The following HIVEP3 variants were observed in gnomAD, a reference collection of about 807,000 sequenced individuals.
HIVEP3 encodes HIVEP zinc finger 3.
Under a neutral mutation model 152.8 loss-of-function variants are expected in HIVEP3, and 49 were observed. The observed-to-expected ratio is 0.32, with a 90% CI of 0.26 to 0.41. The LOEUF (loss-of-function observed/expected upper bound fraction) is 0.41, where lower values mean the gene tolerates loss of function less well. Among genes scored for constraint, HIVEP3 ranks in the 10% least tolerant of loss-of-function variants. HIVEP3 has a pLI of 1.00. For missense variants in HIVEP3, 2,790 were observed against 3,103.3 expected (o/e 0.90, Z 2.40); for synonymous variants, 1,269 against 1,289.0 (o/e 0.98, Z 0.33).
intron 1 of HIVEP3, among the ~76,000 whole-genome samples, chr1:41,789,899 C>A (rs1412524838): frequency 6.6e-6 from 1 of 152,210 alleles, no homozygotes. Flanking sequence ...AATAAGTACA[C>A]ACAAAAGCAG....
chr1:42,006,917 A>G (rs1557559285), intron 1 of HIVEP3, among the ~76,000 whole-genome samples: 1 of 152,214 alleles, frequency 6.6e-6, no homozygotes, highest in Non-Finnish European at 1.5e-5. Flanking sequence ...AGATAAACTG[A>G]GACTGAGAGA....
chr1:41,716,544 C>T (rs1014686124), intron 1 of HIVEP3, among the ~76,000 whole-genome samples: 2 of 152,184 alleles, frequency 1.3e-5, no homozygotes, highest in African/African-American at 2.4e-5. Flanking sequence ...AGGGTGAGAT[C>T]TCATGAGTGG....
intron 1 of HIVEP3, among the ~76,000 whole-genome samples, chr1:41,765,937 G>A (rs1054985383): frequency 6.6e-6 from 1 of 152,196 alleles, no homozygotes; most frequent in Non-Finnish European, 1.5e-5. Flanking sequence ...CTCTCCAGCT[G>A]TCTCTCTGAG....
intron 5 of HIVEP3, among the ~76,000 whole-genome samples, chr1:41,549,202 C>T (rs938269823): frequency 1.3e-5 from 2 of 152,188 alleles, no homozygotes; most frequent in Non-Finnish European, 2.9e-5. Context: ...AGGACATGAA[C>T]TCATCCTTTT....
chr1:41,573,357 T>A (rs1394590503), intron 5 of HIVEP3, among the ~76,000 whole-genome samples: 3 of 152,092 alleles, frequency 2.0e-5, no homozygotes, highest in Non-Finnish European at 4.4e-5. Context: ...TCCTTCACCA[T>A]TTCCAAACAC....
intron 2 of HIVEP3, among the ~76,000 whole-genome samples, chr1:41,650,896 A>G (rs572312915): frequency 6.6e-6 from 1 of 152,318 alleles, no homozygotes; most frequent in African/African-American, 2.4e-5. Context: ...GCACAAATGC[A>G]CCATAAATTT....
At chr1:41,908,438 C>T (rs1198523725) in intron 1 of HIVEP3, among the ~76,000 whole-genome samples, 2 of 152,168 alleles carry the variant, frequency 1.3e-5, no homozygotes, top group Non-Finnish European at 2.9e-5. Context: ...TGTCTTTTAT[C>T]TTAGCCTGGA....
At chr1:41,862,440 C>G (rs968931556) in intron 1 of HIVEP3, among the ~76,000 whole-genome samples, 1 of 152,158 alleles carries the variant, frequency 6.6e-6, no homozygotes, top group African/African-American at 2.4e-5. Flanking sequence ...TATGCATATG[C>G]TTCAGTGTGT....
chr1:41,935,445 G>A (rs1432891342), intron 1 of HIVEP3, among the ~76,000 whole-genome samples: 5 of 152,012 alleles, frequency 3.3e-5, no homozygotes, highest in South Asian at 2.1e-4. Flanking sequence ...GAACACAAAA[G>A]CATCAGAAAT....
At position 41,664,436 on chromosome 1, in the gene HIVEP3, G is replaced by A. The variant is rs1016343419; in HGVS notation, c.-720-35489C>T. On this transcript the variant is annotated intron_variant, in intron 2 of 8. Coordinates refer to ENST00000372583, the MANE Select transcript of HIVEP3 (RefSeq NM_024503.5). This position sits in a 1 kb window ranked among gnomAD's most constrained non-coding sequence, Gnocchi z 4.4. ...CCTGGCCTCAAGGGACCCTCCCAAT[G>A]GATTTGGTCACCTTCCATGATGCCA... 6.6e-6 allele frequency among the ~76,000 whole-genome samples: 1 copy of A among 152,160 alleles called. No individual in the cohort carries two copies. The highest frequency in any genetic ancestry group is 2.4e-5 in the African/African-American group (1 of 41,418).
intron 1 of HIVEP3, among the ~76,000 whole-genome samples, chr1:41,755,599 C>A (rs1647270727): frequency 9.5e-6 from 1 of 105,534 alleles, no homozygotes; most frequent in Non-Finnish European, 2.1e-5. Context: ...ACTCTCAAAA[C>A]ACAGCAGTCA....
intron 1 of HIVEP3, among the ~76,000 whole-genome samples, chr1:41,944,737 A>G (rs193065170): frequency 2.2e-4 from 33 of 152,264 alleles, no homozygotes; most frequent in Non-Finnish European, 3.7e-4. Flanking sequence ...ATGGGTGGTG[A>G]TGCACCCTGG....
intron 1 of HIVEP3, among the ~76,000 whole-genome samples, chr1:41,714,325 C>T (rs1646558195): frequency 6.6e-6 from 1 of 152,132 alleles, no homozygotes; most frequent in South Asian, 2.1e-4. Context: ...GGGAAGAAGA[C>T]AGGAAAAGAG....
intron 3 of HIVEP3, among the ~76,000 whole-genome samples, chr1:41,589,646 C>T (rs1644557874): frequency 6.6e-6 from 1 of 152,212 alleles, no homozygotes; most frequent in Non-Finnish European, 1.5e-5. Flanking sequence ...TGGCAGGAGG[C>T]CAGCTTGAAT....
intron 1 of HIVEP3, among the ~76,000 whole-genome samples, chr1:41,743,830 G>A (rs746227788): frequency 1.3e-5 from 2 of 152,084 alleles, no homozygotes; most frequent in African/African-American, 2.4e-5. Context: ...GCACCTTTGC[G>A]TAAATGTGGG....
intron 1 of HIVEP3, among the ~76,000 whole-genome samples, chr1:41,863,657 T>C (rs906103823): frequency 1.3e-5 from 2 of 152,242 alleles, no homozygotes; most frequent in African/African-American, 4.8e-5. Context: ...CACATGTGCA[T>C]GAGTTCGTCA....
At chr1:41,667,066 G>T (rs1427734709) in intron 2 of HIVEP3, among the ~76,000 whole-genome samples, 2 of 152,222 alleles carry the variant, frequency 1.3e-5, no homozygotes, top group African/African-American at 4.8e-5. Flanking sequence ...CCCCCAGGGA[G>T]TGTTGGCGTT....
At chr1:41,897,241 C>T (rs554815877) in intron 1 of HIVEP3, among the ~76,000 whole-genome samples, 2 of 152,252 alleles carry the variant, frequency 1.3e-5, no homozygotes, top group African/African-American at 4.8e-5. Flanking sequence ...ATTGGCCTAA[C>T]AGGATTCTTG....
chr1:41,943,234 G>T (rs6669753), intron 1 of HIVEP3, among the ~76,000 whole-genome samples: 1,627 of 152,190 alleles, frequency 0.011, 30 homozygotes, highest in African/African-American at 0.038. Flanking sequence ...TCAAAAAGAA[G>T]AAATGGAAAG....
Sources: allele counts gnomAD v4.1 joint callset (sites outside exome capture counted in the v4.1 genomes callset), GRCh38; gene constraint gnomAD v4.1.1; non-coding constraint Gnocchi (gnomAD v3.1); transcripts MANE v1.5; gene names NCBI Gene and HGNC (gene_info 2026-07-23, HGNC 2026-07-21).